The following JADE1 variants were observed in gnomAD, a reference collection of about 807,000 sequenced individuals.
JADE1 encodes protein Jade-1.
Under a neutral mutation model 81.8 loss-of-function variants are expected in JADE1, and 14 were observed. That is an observed-to-expected ratio of 0.17 (90% CI 0.11 to 0.27). The LOEUF is 0.27. Among genes scored for constraint, JADE1 ranks in the 10% least tolerant of loss-of-function variants. JADE1 has a pLI of 1.00. For missense variants in JADE1, 690 were observed against 1,047.9 expected, an observed-to-expected ratio of 0.66 and a Z score of 4.71; for synonymous variants, 353 against 391.9, an observed-to-expected ratio of 0.90 and a Z score of 1.17.
At position 128,846,249 on chromosome 4, in the gene JADE1, C is replaced by A; in HGVS notation, c.139-126C>A. The A allele has an allele frequency of 3.2e-6, 3 of 950,402 alleles. No individual in the cohort carries two copies. Among genetic ancestry groups the A allele is most frequent in the South Asian group, 1.6e-5 (1 of 61,182 alleles). 58.9% of individuals were successfully genotyped at this position (950,402 alleles called of 1,614,324 possible). ...CAGGCAAAGTTTTTCTGTAATAGGT[C>A]AGGCTTGTTCTATGTTGATACAGTG... On this transcript the variant is annotated intron_variant, in intron 3 of 10. Coordinates refer to ENST00000226319, the MANE Select transcript of JADE1 (RefSeq NM_199320.4). This position sits in a 1 kb window ranked among gnomAD's most constrained non-coding sequence, Gnocchi z 4.0.
At chr4:128,862,299 A>G (rs751488062) in intron 9 of JADE1, 74 bp downstream of exon 9, 2 of 1,590,676 alleles carry the variant, frequency 1.3e-6, no homozygotes, top group Non-Finnish European at 1.7e-6. Context: ...GCCCAGAGCA[A>G]GAAATGATAG....
At chr4:128,863,825 C>A in intron 9 of JADE1, 1 of 985,408 alleles carries the variant, frequency 1.0e-6, no homozygotes, top group Non-Finnish European at 1.2e-6. Flanking sequence ...GGTGCATGAG[C>A]TATGGAGTCA....
chr4:128,832,850 G>A (rs1007687126), intron 2 of JADE1, among the ~76,000 whole-genome samples: 1 of 152,244 alleles, frequency 6.6e-6, no homozygotes, highest in African/African-American at 2.4e-5. Context: ...TGCTGCTGTA[G>A]GTGCCACCCT....
chr4:128,822,337 A>C (rs1387510340), intron 1 of JADE1, among the ~76,000 whole-genome samples: 1 of 152,194 alleles, frequency 6.6e-6, no homozygotes, highest in African/African-American at 2.4e-5. Context: ...CCTGCACTCC[A>C]GTCTGGGTGA....
In JADE1 at chr4:128,814,348, C is replaced by T. The variant is rs536976931; in HGVS notation, c.-27+4471C>T. Among the ~76,000 whole-genome samples, 25 of 152,104 alleles carry T rather than the reference C, an allele frequency of 1.6e-4. No homozygotes were observed. The South Asian group carries it at 2.5e-3, about 15-fold the overall frequency. On this transcript the variant is annotated intron_variant, in intron 1 of 10. Coordinates refer to ENST00000226319, the MANE Select transcript of JADE1 (RefSeq NM_199320.4). ...GTCTTACGTATAGTAGGCACGTGAC[C>T]GATATTAATTTTTGACTTTAGCTGT...
In JADE1 at chr4:128,874,481, AC is replaced by A. The variant is rs1381526848; in HGVS notation, c.*2220del. 28 of 145,706 alleles carry A rather than the reference AC, an allele frequency of 1.9e-4. No individual in the cohort carries two copies. Among genetic ancestry groups the A allele is most frequent in the African/African-American group, 6.3e-4 (23 of 36,776 alleles). 9.0% of individuals were successfully genotyped at this position (145,706 alleles called of 1,614,324 possible). ...TCCAAGTTATGCTGAACCAAAAAAA[AC>A]AAAACAAAAACAAAACAAAAAATAT... On this transcript the variant is annotated 3_prime_UTR_variant, in exon 11 of 11. Transcript: ENST00000226319.
chr4:128,810,244 G>A (rs965163291), intron 1 of JADE1: 1 of 152,036 alleles, frequency 6.6e-6, no homozygotes, highest in African/African-American at 2.4e-5. Context: ...GCCGGAGGAG[G>A]AGGAGAGGAT....
At chr4:128,841,696 G>C (rs1460391917) in intron 2 of JADE1, among the ~76,000 whole-genome samples, 1 of 152,192 alleles carries the variant, frequency 6.6e-6, no homozygotes, top group East Asian at 1.9e-4. Context: ...TGGGAATGTA[G>C]GTCTGGCAGG....
intron 1 of JADE1, among the ~76,000 whole-genome samples, chr4:128,828,155 T>A (rs1478888110): frequency 6.6e-6 from 1 of 152,186 alleles, no homozygotes; most frequent in Non-Finnish European, 1.5e-5. Context: ...CCTCCTAATA[T>A]ATGAGATATT....
rs1274734633 is a variant in JADE1 at position 128,872,908 on chromosome 4, T to G, written c.*646T>G. The G allele has an allele frequency of 4.4e-6, 2 of 455,846 alleles. No individual in the cohort carries two copies. Among genetic ancestry groups the G allele is most frequent in the Non-Finnish European group, 8.8e-6 (2 of 226,518 alleles). The allele number at this position is 455,846 out of a possible 1,614,324, so 28.2% of individuals were successfully genotyped here. On this transcript the variant is annotated 3_prime_UTR_variant, in exon 11 of 11. Coordinates refer to ENST00000226319, the MANE Select transcript of JADE1 (RefSeq NM_199320.4). ...GCTGCTGCAATATGGAGATTTAGGG[T>G]AATATGGCAAGGTCCTGCTGCTTGA...
intron 4 of JADE1, 53 bp from the exon 5 acceptor site, chr4:128,848,927 C>A (rs1208652568): frequency 1.2e-5 from 19 of 1,583,620 alleles, no homozygotes; most frequent in Non-Finnish European, 1.6e-5. Flanking sequence ...TGGCACACTT[C>A]ATTGTCTGTG....
intron 10 of JADE1, among the ~76,000 whole-genome samples, chr4:128,869,842 G>A (rs980297061): frequency 3.3e-5 from 5 of 152,296 alleles, no homozygotes; most frequent in African/African-American, 1.2e-4. Context: ...ACCCTTTAGG[G>A]TGCTTTTTTT....
At chr4:128,844,441 C>A (rs1560752709) in intron 3 of JADE1, among the ~76,000 whole-genome samples, 3 of 152,164 alleles carry the variant, frequency 2.0e-5, no homozygotes, top group African/African-American at 7.2e-5. Context: ...CATTTGAGGG[C>A]CTTTGTTTCA....
At chr4:128,838,709 A>T (rs1729190970) in intron 2 of JADE1, among the ~76,000 whole-genome samples, 1 of 152,150 alleles carries the variant, frequency 6.6e-6, no homozygotes, top group Non-Finnish European at 1.5e-5. Context: ...TTTTCCAGAA[A>T]GTGTTTATAA....
chr4:128,872,133 T>A lies in JADE1; in HGVS notation c.2400T>A (p.Asn800Lys), dbSNP rs1473241602. The stretch of plus-strand genomic sequence containing the variant: ...GCAAATTAAAATCCGACAATGAGAA[T>A]GACGGGTATGTCCCCGATGTGGAAA... ...AKSKLKSDNE[N>K]DGYVPDVEMS... The change falls in exon 11 of 11, where the codon AAT becomes AAA. Residue 800 changes from asparagine to lysine, a missense_variant. Physicochemically the swap from Asn to Lys is moderately conservative, Grantham distance 94 (BLOSUM62 0). Coordinates refer to ENST00000226319, the MANE Select transcript of JADE1 (RefSeq NM_199320.4). The A allele has an allele frequency of 1.2e-6, 2 of 1,614,016 alleles. No homozygotes were observed. Among genetic ancestry groups the A allele is most frequent in the African/African-American group, 1.3e-5 (1 of 74,928 alleles).
At position 128,861,718 on chromosome 4, in the gene JADE1, C is replaced by T. The variant is rs1332776168; in HGVS notation, c.996C>T (p.Asn332=). The change falls in exon 9 of 11, where the codon AAC becomes AAT. Residue 332 remains asparagine (N), a synonymous_variant. Transcript: ENST00000226319. ...GTTCTTGACAGTGCTCTGTGAAGAA[C>T]TGCCGCACAGCCTTCCATGTGACCT... ...FGASIQCSVK[N]CRTAFHVTCA... 3 of 1,614,018 alleles carry T rather than the reference C, an allele frequency of 1.9e-6. No individual in the cohort carries two copies. The African/African-American group carries it at 4.0e-5, about 22-fold the overall frequency.
At chr4:128,834,124 T>C (rs1344874394) in intron 2 of JADE1, among the ~76,000 whole-genome samples, 2 of 152,194 alleles carry the variant, frequency 1.3e-5, no homozygotes, top group African/African-American at 4.8e-5. Flanking sequence ...AGGGTCTTAG[T>C]AGCGCAGAAG....
At chr4:128,830,361 G>A (rs540249137) in intron 1 of JADE1, among the ~76,000 whole-genome samples, 60 of 151,566 alleles carry the variant, frequency 4.0e-4, no homozygotes, top group Non-Finnish European at 6.6e-4. Context: ...AGCCTCCTAA[G>A]TAGCTGGGAT....
In JADE1 at chr4:128,871,465, T is replaced by G; in HGVS notation, c.1732T>G (p.Phe578Val). 6.2e-7 allele frequency: 1 copy of G among 1,614,218 alleles called. No homozygotes were observed. The highest frequency in any genetic ancestry group is 8.5e-7 in the Non-Finnish European group (1 of 1,180,024). Reference protein sequence around the residue: ...KIEDLKWHSAFFRKQMGTSLV... With the variant: ...KIEDLKWHSAVFRKQMGTSLV... ...AGAGGACTTGAAGTGGCATTCTGCA[T>G]TCTTCAGAAAACAAATGGGTACTTC... Residue 578 changes from phenylalanine to valine, a missense_variant, in exon 11 of 11, where the codon TTC becomes GTC. Physicochemically the swap from Phe to Val is conservative, Grantham distance 50. This residue lies in a region of JADE1 where 86 missense variants were observed against 95.4 expected (regional missense o/e 0.90). Transcript: ENST00000226319. The surrounding 1 kb of genome is among the most constrained non-coding windows in gnomAD (Gnocchi z 4.1).
Sources: allele counts gnomAD v4.1 joint callset (sites outside exome capture counted in the v4.1 genomes callset), GRCh38; gene constraint gnomAD v4.1.1; regional missense constraint gnomAD v4.1.1; non-coding constraint Gnocchi (gnomAD v3.1); transcripts MANE v1.5; gene names NCBI Gene and HGNC (gene_info 2026-07-23, HGNC 2026-07-21).